Variants in ARHGAP44 observed in about 807,000 individuals in gnomAD.
ARHGAP44 encodes the protein Rho GTPase activating protein 44, also known as rho GTPase-activating protein 44.
Under a neutral mutation model 106.8 loss-of-function variants are expected in ARHGAP44, and 43 were observed. The ratio of observed to expected loss-of-function variants is 0.40; its 90% CI spans 0.32 to 0.52. The LOEUF (loss-of-function observed/expected upper bound fraction) is 0.52. ARHGAP44 is among the 20% of genes least tolerant of loss of function. The pLI, the probability that ARHGAP44 is intolerant of heterozygous loss-of-function variation, is 0.48. For synonymous variants in ARHGAP44, 439 were observed against 410.3 expected (o/e 1.07, Z -0.85); for missense variants, 866 against 1,050.5 (o/e 0.82, Z 2.43).
chr17:12,870,296 C>T (rs1005587160), intron 1 of ARHGAP44, among the ~76,000 whole-genome samples: 2 of 152,026 alleles, frequency 1.3e-5, no homozygotes, highest in Non-Finnish European at 1.5e-5. Context: ...GCAGTTCTCC[C>T]GCCTCAGTAC....
chr17:12,974,399 T>G, intron 18 of ARHGAP44, 89 bp downstream of exon 18: 1 of 1,101,198 alleles, frequency 9.1e-7, no homozygotes, highest in Non-Finnish European at 1.2e-6. Context: ...TTGGATTTCG[T>G]CGTTTCCCAT....
intron 3 of ARHGAP44, among the ~76,000 whole-genome samples, chr17:12,901,726 TG>T (rs1390396762): frequency 6.6e-6 from 1 of 152,062 alleles, no homozygotes; most frequent in Non-Finnish European, 1.5e-5. Context: ...TCAGGAACCC[TG>T]GGAACTGCAG....
chr17:12,801,428 C>T (rs558582472), intron 1 of ARHGAP44, among the ~76,000 whole-genome samples: 55 of 152,296 alleles, frequency 3.6e-4, no homozygotes, highest in African/African-American at 1.3e-3. Flanking sequence ...CAGGTGAGTG[C>T]CTTGTTGCTG....
intron 8 of ARHGAP44, among the ~76,000 whole-genome samples, chr17:12,941,856 A>G (rs539069592): frequency 9.8e-4 from 149 of 152,358 alleles, no homozygotes; most frequent in Admixed American, 1.6e-3. Flanking sequence ...TCAAATAAAA[A>G]AAAATCAGTT....
chr17:12,954,530 G>T (rs369457960), intron 13 of ARHGAP44, among the ~76,000 whole-genome samples: 3 of 152,172 alleles, frequency 2.0e-5, no homozygotes, highest in Non-Finnish European at 4.4e-5. Flanking sequence ...GAGGCCGTGC[G>T]TGGAGTTGTC....
rs757585682 is a variant in ARHGAP44, at chr17:12,978,035, T to TAAAAAAAAAAAA, written c.1764-2023_1764-2022insAAAAAAAAAAAA. On this transcript the variant is annotated intron_variant, in intron 18 of 20. Coordinates refer to ENST00000379672, the MANE Select transcript of ARHGAP44 (RefSeq NM_014859.6). ...CTGGGCAACAGAGCAAGACTCCATC[T>TAAAAAAAAAAAA]CAAAAAAAAAAAAAAAAAAAAGTGT... 2.6e-3 allele frequency among the ~76,000 whole-genome samples: 143 copies of TAAAAAAAAAAAA among 55,448 alleles called. 32 individuals carry two copies. The highest frequency in any genetic ancestry group is 0.012 in the South Asian group (17 of 1,468). 36.4% of individuals were successfully genotyped at this position (55,448 alleles called of 152,430 possible).
chr17:12,929,037 G>A lies in ARHGAP44; in HGVS notation c.573G>A (p.Glu191=), dbSNP rs1426599603. ...TGGAAGAGGCTGCCAACAGAGTGGA[G>A]ATTTGCAGGGTACCTGCCCTCTTTG... is the stretch of plus-strand genomic sequence containing the variant. ...EEMEEAANRV[E]ICRDQLSADM... Residue 191 remains glutamate (E), a synonymous_variant, in exon 7 of 21, where the codon GAG becomes GAA. Coordinates refer to ENST00000379672, the MANE Select transcript of ARHGAP44 (RefSeq NM_014859.6). 8 of 1,611,656 alleles carry A rather than the reference G, an allele frequency of 5.0e-6. No individual in the cohort carries two copies. The highest frequency in any genetic ancestry group is 6.8e-6 in the Non-Finnish European group (8 of 1,178,936).
intron 1 of ARHGAP44, among the ~76,000 whole-genome samples, chr17:12,858,434 G>A (rs975393538): frequency 4.6e-5 from 7 of 152,178 alleles, no homozygotes; most frequent in African/African-American, 1.4e-4. Flanking sequence ...GGATTCTTTT[G>A]TATCTGTAAG....
At chr17:12,813,872 T>C (rs1008291608) in intron 1 of ARHGAP44, among the ~76,000 whole-genome samples, 5 of 152,140 alleles carry the variant, frequency 3.3e-5, no homozygotes, top group Non-Finnish European at 5.9e-5. Context: ...TCACGGTGAG[T>C]ACCAGTGTGG....
At chr17:12,893,167 C>T (rs1340179115) in intron 1 of ARHGAP44, among the ~76,000 whole-genome samples, 1 of 151,984 alleles carries the variant, frequency 6.6e-6, no homozygotes, top group East Asian at 1.9e-4. Context: ...GTCCAGATTC[C>T]CCACTTGGCT....
At chr17:12,810,687 A>G (rs1268967986) in intron 1 of ARHGAP44, among the ~76,000 whole-genome samples, 2 of 152,178 alleles carry the variant, frequency 1.3e-5, no homozygotes, top group Non-Finnish European at 2.9e-5. Context: ...TTGATGTGCT[A>G]GGAGGGTGAT....
At chr17:12,845,433 G>A (rs140588386) in intron 1 of ARHGAP44, among the ~76,000 whole-genome samples, 4,678 of 150,962 alleles carry the variant, frequency 0.031, 257 homozygotes, top group African/African-American at 0.11. Context: ...GCTTGAAATC[G>A]GGAGGCGGAG....
At chr17:12,929,081 G>A (rs373823563) in intron 7 of ARHGAP44, 35 bp downstream of exon 7, 1 of 1,563,454 alleles carries the variant, frequency 6.4e-7, no homozygotes, top group South Asian at 1.2e-5. Flanking sequence ...TACTGGGACA[G>A]GCTGGGGAGC....
intron 16 of ARHGAP44, among the ~76,000 whole-genome samples, chr17:12,969,928 C>T (rs1355364709): frequency 6.6e-6 from 1 of 152,138 alleles, no homozygotes; most frequent in Non-Finnish European, 1.5e-5. Context: ...GGACTAGAGG[C>T]CTGGGTCGTT....
chr17:12,957,706 A>G (rs1275982299), intron 15 of ARHGAP44, among the ~76,000 whole-genome samples: 2 of 152,162 alleles, frequency 1.3e-5, no homozygotes, highest in Non-Finnish European at 2.9e-5. Context: ...ATGACTCTCA[A>G]TGGTGACAGC....
chr17:12,865,382 A>T (rs925151147), intron 1 of ARHGAP44, among the ~76,000 whole-genome samples: 5 of 152,230 alleles, frequency 3.3e-5, no homozygotes, highest in Non-Finnish European at 4.4e-5. Context: ...CTTGTAACTT[A>T]TTAAGGGCAT....
Position 12,841,651 on chromosome 17 carries a change from C to CAAACAAAA in ARHGAP44, c.53+51763_53+51764insCAAAAAAA, listed in dbSNP as rs1567642466. Among the ~76,000 whole-genome samples the CAAACAAAA allele has an allele frequency of 5.1e-4, 74 of 146,384 alleles. 2 individuals carry two copies. Among genetic ancestry groups the CAAACAAAA allele is most frequent in the African/African-American group, 1.9e-3 (72 of 37,940 alleles). ...ACACACACACACACAAACAAACAAA[C>CAAACAAAA]AAAAACCACACAACCAAAACAGTCT... On this transcript the variant is annotated intron_variant, in intron 1 of 20. Transcript: ENST00000379672.
Position 12,949,857 on chromosome 17 carries a change from C to G in ARHGAP44, c.1055+127C>G. On this transcript the variant is annotated intron_variant, in intron 12 of 20. Transcript: ENST00000379672. This position sits in a 1 kb window ranked among gnomAD's most constrained non-coding sequence, Gnocchi z 4.1. ...TCTTGATCTCTGCCATGAAGGAGTG[C>G]TTATACATTTGCCCAAGGAGGCAGG... 3.3e-6 allele frequency: 3 copies of G among 898,576 alleles called. No homozygotes were observed. The highest frequency in any genetic ancestry group is 5.1e-6 in the Non-Finnish European group (3 of 590,512). 55.7% of individuals were successfully genotyped at this position (898,576 alleles called of 1,614,324 possible).
In ARHGAP44 at chr17:12,789,855, A is replaced by G. The variant is rs2150744899; in HGVS notation, c.17A>G (p.Asn6Ser). Residue 6 changes from asparagine to serine, a missense_variant, in exon 1 of 21, where the codon AAT becomes AGT. Asn to Ser is a conservative substitution (Grantham distance 46). This residue lies in a region of ARHGAP44 where 448 missense variants were observed against 646.9 expected (regional missense o/e 0.69). Transcript: ENST00000379672. MKKQF[N>S]RMRQLANQTV... The stretch of plus-strand genomic sequence containing the variant: ...GGGGCCACGATGAAGAAGCAGTTCA[A>G]TCGCATGCGCCAGCTGGCCAACCAG... The G allele has an allele frequency of 2.0e-6, 3 of 1,524,540 alleles. No homozygotes were observed. Among genetic ancestry groups the G allele is most frequent in the Non-Finnish European group, 2.6e-6 (3 of 1,139,074 alleles). The allele number at this position is 1,524,540 out of a possible 1,614,324, so 94.4% of individuals were successfully genotyped here. A position where few individuals can be genotyped will look rare whatever the true frequency, so the allele number is the denominator to read the frequency against.
Sources: gnomAD v4.1 joint callset for allele counts (sites outside exome capture counted in the v4.1 genomes callset) on GRCh38, gnomAD v4.1.1 for gene constraint, gnomAD v4.1.1 regional missense constraint, Gnocchi (gnomAD v3.1) non-coding constraint, MANE v1.5 for transcripts, NCBI Gene and HGNC (gene_info 2026-07-23, HGNC 2026-07-21) for gene names.